Variants in MBD5 observed in about 807,000 individuals in gnomAD.
MBD5 encodes the protein methyl-CpG binding domain protein 5, also known as methyl-CpG-binding domain protein 5.
MBD5 carries 13 observed loss-of-function variants against 117.3 expected under a neutral mutation model. The observed-to-expected ratio is 0.11, with a 90% confidence interval of 0.07 to 0.18. The LOEUF is 0.18. Ranked by LOEUF, MBD5 falls within the 10% of genes least tolerant of loss-of-function variation. The probability of loss-of-function intolerance (pLI) is 1.00; values close to 1 mark genes in which losing one functional copy is unlikely to be tolerated. For synonymous variants in MBD5, 727 were observed against 766.4 expected (o/e 0.95, Z 0.85); for missense variants, 1,879 against 2,093.8 (o/e 0.90, Z 2.00).
intron 4 of MBD5, among the ~76,000 whole-genome samples, chr2:148,443,862 A>G (rs776512071): frequency 4.6e-5 from 7 of 151,400 alleles, no homozygotes; most frequent in Non-Finnish European, 1.0e-4. Flanking sequence ...GTCAAAAATA[A>G]TTTAATTGTA....
intron 1 of MBD5, among the ~76,000 whole-genome samples, chr2:148,107,409 T>G (rs1696399507): frequency 6.6e-6 from 1 of 152,000 alleles, no homozygotes; most frequent in Non-Finnish European, 1.5e-5. Flanking sequence ...CTGTTTGAAT[T>G]GAGTTTTTTT....
chr2:148,130,445 A>G (rs773965112), intron 1 of MBD5, among the ~76,000 whole-genome samples: 2 of 152,094 alleles, frequency 1.3e-5, no homozygotes, highest in Non-Finnish European at 2.9e-5. Context: ...TTTATGATGG[A>G]TATTTCTGTT....
At chr2:148,475,462 A>G (rs1020373862) in intron 8 of MBD5, among the ~76,000 whole-genome samples, 2 of 152,220 alleles carry the variant, frequency 1.3e-5, no homozygotes, top group Non-Finnish European at 1.5e-5. Flanking sequence ...TTGTATTAAA[A>G]AAAAAAGGAG....
chr2:148,078,571 C>T (rs1695564938), intron 1 of MBD5, among the ~76,000 whole-genome samples: 1 of 152,096 alleles, frequency 6.6e-6, no homozygotes, highest in Admixed American at 6.6e-5. Flanking sequence ...TTGTTAATTT[C>T]CATAAAATGA....
At chr2:148,184,353 C>T (rs779684737) in intron 2 of MBD5, among the ~76,000 whole-genome samples, 1 of 152,126 alleles carries the variant, frequency 6.6e-6, no homozygotes. Context: ...GATGTTAGCA[C>T]TGTCAATCCC....
intron 4 of MBD5, among the ~76,000 whole-genome samples, chr2:148,371,173 C>G (rs1703841834): frequency 1.3e-5 from 2 of 152,044 alleles, no homozygotes; most frequent in African/African-American, 4.8e-5. Context: ...ATTTTAAAGT[C>G]TACATTTAAA....
Position 148,458,375 on chromosome 2 carries a change from A to G in MBD5, c.-384A>G. The G allele has an allele frequency of 2.1e-6, 1 of 467,950 alleles. No homozygotes were observed. The highest frequency in any genetic ancestry group is 3.8e-6 in the Non-Finnish European group (1 of 266,418). The allele number at this position is 467,950 out of a possible 1,614,324, so 29.0% of individuals were successfully genotyped here. A position where few individuals can be genotyped will look rare whatever the true frequency, so the allele number is the denominator to read the frequency against. On this transcript the variant is annotated 5_prime_UTR_variant, in exon 5 of 14. In the 5' UTR this introduces an upstream ATG that the reference lacks. Coordinates refer to ENST00000642680, the MANE Select transcript of MBD5 (RefSeq NM_001378120.1). ...AAAATGAGACCAGTTTCTAAACAAT[A>G]GAGATTGTCTTAGTACAACATCAAG... is the stretch of plus-strand genomic sequence containing the variant.
At chr2:148,202,725 T>C (rs1373810062) in intron 2 of MBD5, among the ~76,000 whole-genome samples, 1 of 152,154 alleles carries the variant, frequency 6.6e-6, no homozygotes, top group East Asian at 1.9e-4. Flanking sequence ...ATAACTTTTT[T>C]GTTTAAAAAG....
chr2:148,331,512 GTA>G (rs1702655391), intron 3 of MBD5, among the ~76,000 whole-genome samples: 1 of 151,988 alleles, frequency 6.6e-6, no homozygotes, highest in African/African-American at 2.4e-5. Context: ...TGCCTGATGT[GTA>G]TTTAGATATT....
chr2:148,489,938 C>T lies in MBD5; in HGVS notation c.4306C>T (p.Pro1436Ser), dbSNP rs776446296. The T allele has an allele frequency of 9.9e-6, 16 of 1,613,854 alleles. No individual in the cohort carries two copies. The Middle Eastern group carries it at 1.3e-3, about 133-fold the overall frequency. The change falls in exon 11 of 14, where the codon CCC (proline) becomes TCC (serine). Residue 1436 changes from proline (P) to serine (S), a missense_variant. By Grantham distance (74) the Pro-to-Ser change is moderately conservative. Around this residue, in one of 4 missense-constraint regions of MBD5, gnomAD observed 1,666 missense variants for 1,792.2 expected, o/e 0.93. Transcript: ENST00000642680. ...AAAACAGTGGGACGGGGAGCAAAGC[C>T]CCAGAGGGGAGCGAAACAGGTGGAA... is the stretch of plus-strand genomic sequence containing the variant. ...SKKQWDGEQS[P>S]RGERNRWKYE... is the part of the protein sequence containing the mutation.
chr2:148,237,121 AT>A (rs767626373), intron 3 of MBD5, among the ~76,000 whole-genome samples: 30 of 152,208 alleles, frequency 2.0e-4, no homozygotes, highest in Non-Finnish European at 3.8e-4. Flanking sequence ...GCTTAAATAA[AT>A]GTTGTAGTCA....
intron 3 of MBD5, among the ~76,000 whole-genome samples, chr2:148,253,080 G>A (rs1433631598): frequency 6.6e-6 from 1 of 152,120 alleles, no homozygotes; most frequent in African/African-American, 2.4e-5. Context: ...AAACTCAGCA[G>A]TAAAAATTGG....
At chr2:148,240,223 C>T (rs186988705) in intron 3 of MBD5, among the ~76,000 whole-genome samples, 72 of 152,158 alleles carry the variant, frequency 4.7e-4, no homozygotes, top group African/African-American at 1.5e-3. Flanking sequence ...ACAATGAGAA[C>T]GCTTGGACAC....
chr2:148,405,565 A>C (rs1705050452), intron 4 of MBD5, among the ~76,000 whole-genome samples: 1 of 152,230 alleles, frequency 6.6e-6, no homozygotes, highest in African/African-American at 2.4e-5. Flanking sequence ...AGGGTCATCC[A>C]GGAAGAAAGG....
chr2:148,447,130 AAAG>A (rs2105450436), intron 4 of MBD5, among the ~76,000 whole-genome samples: 1 of 138,038 alleles, frequency 7.2e-6, no homozygotes, highest in Non-Finnish European at 1.7e-5. Context: ...AAAGAAAAAG[AAAG>A]AGAGAGAGAG....
chr2:148,277,032 T>A (rs1701130565), intron 3 of MBD5, among the ~76,000 whole-genome samples: 1 of 152,172 alleles, frequency 6.6e-6, no homozygotes, highest in African/African-American at 2.4e-5. Context: ...AACAATTGTG[T>A]CTCCCTTTCT....
chr2:148,272,660 G>A (rs1037530185), intron 3 of MBD5, among the ~76,000 whole-genome samples: 1 of 151,902 alleles, frequency 6.6e-6, no homozygotes, highest in Non-Finnish European at 1.5e-5. Flanking sequence ...AGTTCTTTGT[G>A]TTCTGTATAT....
At chr2:148,307,775 A>G (rs1461746870) in intron 3 of MBD5, among the ~76,000 whole-genome samples, 1 of 152,088 alleles carries the variant, frequency 6.6e-6, no homozygotes, top group Non-Finnish European at 1.5e-5. Flanking sequence ...ATTTCTCCTA[A>G]TGCTATCCCT....
intron 4 of MBD5, among the ~76,000 whole-genome samples, chr2:148,432,629 T>G (rs1706025339): frequency 6.6e-6 from 1 of 152,186 alleles, no homozygotes; most frequent in African/African-American, 2.4e-5. Flanking sequence ...GGGGAATTCT[T>G]TCCCCATTTC....
Sources: gnomAD v4.1 joint callset for allele counts (sites outside exome capture counted in the v4.1 genomes callset) on GRCh38, gnomAD v4.1.1 for gene constraint, gnomAD v4.1.1 regional missense constraint, MANE v1.5 for transcripts, NCBI Gene and HGNC (gene_info 2026-07-23, HGNC 2026-07-21) for gene names.